The following NKAIN3 variants were observed in gnomAD, a reference collection of about 807,000 sequenced individuals.
NKAIN3 encodes sodium/potassium-transporting ATPase subunit beta-1-interacting protein 3.
A neutral mutation model predicts 30.2 loss-of-function variants in NKAIN3; 25 were observed. That is an observed-to-expected ratio of 0.83 (90% CI 0.60 to 1.16). NKAIN3 has a LOEUF of 1.16. Among genes scored for constraint, NKAIN3 ranks in the 50% most tolerant of loss-of-function variants. The pLI, the probability that NKAIN3 is intolerant of heterozygous loss-of-function variation, is 0.00. For synonymous variants in NKAIN3, 91 were observed against 89.6 expected, an observed-to-expected ratio of 1.02 and a Z score of -0.09; for missense variants, 225 against 254.1, an observed-to-expected ratio of 0.89 and a Z score of 0.78.
intron 1 of NKAIN3, among the ~76,000 whole-genome samples, chr8:62,295,569 T>G (rs919755474): frequency 2.6e-5 from 4 of 152,234 alleles, no homozygotes; most frequent in Non-Finnish European, 5.9e-5. Flanking sequence ...TTTTTGAGGC[T>G]TATTTATATA....
At position 62,746,968 on chromosome 8, in the gene NKAIN3, C is replaced by T. The variant is rs371183258; in HGVS notation, c.310C>T (p.Arg104Trp). Residue 104 changes from arginine (R) to tryptophan (W), a missense_variant, in exon 4 of 7, where the codon CGG becomes TGG. Arg to Trp is a moderately radical substitution (Grantham distance 101). Transcript: ENST00000623646. ...DLMTFNISVH[R>W]SWWREHGPGC... ...AATGACATTCAATATCTCTGTACATCGGTCATGGTGGAGAGAACATGGGCC... is the reference window on the plus strand; with the variant it reads ...AATGACATTCAATATCTCTGTACATTGGTCATGGTGGAGAGAACATGGGCC... The T allele has an allele frequency of 1.5e-5, 24 of 1,613,430 alleles. No homozygotes were observed. Among genetic ancestry groups the T allele is most frequent in the Non-Finnish European group, 1.9e-5 (23 of 1,179,540 alleles).
intron 3 of NKAIN3, among the ~76,000 whole-genome samples, chr8:62,702,853 A>T (rs1202785445): frequency 6.6e-6 from 1 of 152,224 alleles, no homozygotes; most frequent in African/African-American, 2.4e-5. Flanking sequence ...CCTAGATTAA[A>T]TTTAAGATTC....
chr8:62,961,891 A>G (rs1823580096), intron 6 of NKAIN3, among the ~76,000 whole-genome samples: 1 of 152,204 alleles, frequency 6.6e-6, no homozygotes, highest in South Asian at 2.1e-4. Context: ...AAATTACATT[A>G]TCGATGCTTA....
At chr8:62,375,347 T>G (rs1404623934) in intron 1 of NKAIN3, among the ~76,000 whole-genome samples, 1 of 152,190 alleles carries the variant, frequency 6.6e-6, no homozygotes, top group Admixed American at 6.5e-5. Flanking sequence ...AGGTTTTTCC[T>G]TTGAAAACAT....
intron 1 of NKAIN3, among the ~76,000 whole-genome samples, chr8:62,570,455 C>T (rs1196218566): frequency 6.6e-6 from 1 of 152,110 alleles, no homozygotes; most frequent in Non-Finnish European, 1.5e-5. Context: ...ATTGGACTTA[C>T]AGTTCCACGT....
At position 62,965,988 on chromosome 8, in the gene NKAIN3, T is replaced by C. The variant is rs1350344532; in HGVS notation, c.*581T>C. 1 of 984,930 alleles carries C rather than the reference T, an allele frequency of 1.0e-6. No individual in the cohort carries two copies. The highest frequency in any genetic ancestry group is 1.2e-6 in the Non-Finnish European group (1 of 829,512). 61.0% of individuals were successfully genotyped at this position (984,930 alleles called of 1,614,324 possible). A position where few individuals can be genotyped will look rare whatever the true frequency, so the allele number is the denominator to read the frequency against. ...CCTGACTTCTTAAAACCCAGAACGA[T>C]ATTATGGCAATCTAAATTTTCAGAT... On this transcript the variant is annotated 3_prime_UTR_variant, in exon 7 of 7. Coordinates refer to ENST00000623646, the MANE Select transcript of NKAIN3 (RefSeq NM_001304533.3).
At chr8:62,855,767 A>G (rs770321153) in intron 4 of NKAIN3, 56 of 1,160,434 alleles carry the variant, frequency 4.8e-5, no homozygotes, top group South Asian at 2.7e-4. Context: ...GACTTTCAGT[A>G]AAGGGCATCT....
chr8:62,556,442 A>G (rs1311405654), intron 1 of NKAIN3, among the ~76,000 whole-genome samples: 2 of 151,810 alleles, frequency 1.3e-5, no homozygotes, highest in South Asian at 2.1e-4. Flanking sequence ...TATTAATAAA[A>G]TTGAAACTAG....
At chr8:62,672,879 CATGTAAATGTCATACTTTACA>C (rs1813351847) in intron 3 of NKAIN3, among the ~76,000 whole-genome samples, 1 of 152,014 alleles carries the variant, frequency 6.6e-6, no homozygotes, top group African/African-American at 2.4e-5. Context: ...TCCTATATAC[CATGTAAATGTCATACTTTACA>C]GGTTTTTATA....
At chr8:62,489,166 G>C (rs577404566) in intron 1 of NKAIN3, among the ~76,000 whole-genome samples, 1 of 148,860 alleles carries the variant, frequency 6.7e-6, no homozygotes, top group Admixed American at 6.8e-5. Context: ...ACAGGTGCCC[G>C]CCACCACACC....
rs370231075 is a variant in NKAIN3 at position 62,992,018 on chromosome 8, CTTCT to C, written c.533-7210_533-7207del. 4.3e-4 allele frequency among the ~76,000 whole-genome samples: 64 copies of C among 148,178 alleles called. 1 individual carries two copies. The East Asian group carries it at 7.0e-3, about 16-fold the overall frequency. On this transcript the variant is annotated intron_variant, in intron 5 of 5. Transcript: ENST00000519049. ...CCCCACTTTCTTCTCTTTCCTTCTT[CTTCT>C]TTTTTTTTTTCTTTTAGACAGAGTC...
chr8:62,681,035 G>T (rs1188462187), intron 3 of NKAIN3, among the ~76,000 whole-genome samples: 1 of 152,082 alleles, frequency 6.6e-6, no homozygotes, highest in Non-Finnish European at 1.5e-5. Context: ...ATTTCAATAA[G>T]GGAGAACAGC....
intron 1 of NKAIN3, among the ~76,000 whole-genome samples, chr8:62,551,241 A>C (rs977408808): frequency 1.3e-5 from 2 of 152,196 alleles, no homozygotes; most frequent in Non-Finnish European, 2.9e-5. Flanking sequence ...GAAGAGGAAC[A>C]GCGGGAAGGA....
intron 1 of NKAIN3, among the ~76,000 whole-genome samples, chr8:62,284,910 A>C (rs1488028434): frequency 6.6e-6 from 1 of 152,126 alleles, no homozygotes; most frequent in Admixed American, 6.6e-5. Context: ...TCAGACATGC[A>C]CCTGTGAGTA....
chr8:62,574,690 A>G (rs115790047), intron 1 of NKAIN3, among the ~76,000 whole-genome samples: 36 of 152,092 alleles, frequency 2.4e-4, no homozygotes, highest in African/African-American at 8.4e-4. Flanking sequence ...CCTTTTCTCT[A>G]CACCCTTGCC....
intron 1 of NKAIN3, among the ~76,000 whole-genome samples, chr8:62,570,464 G>A (rs987995371): frequency 2.0e-5 from 3 of 152,236 alleles, no homozygotes; most frequent in East Asian, 1.9e-4. Context: ...ACAGTTCCAC[G>A]TGGTTGGGAG....
intron 1 of NKAIN3, among the ~76,000 whole-genome samples, chr8:62,447,332 G>C (rs1380245654): frequency 6.6e-6 from 1 of 152,010 alleles, no homozygotes; most frequent in African/African-American, 2.4e-5. Flanking sequence ...AGATTAGGAA[G>C]TGTATTAGTA....
intron 1 of NKAIN3, among the ~76,000 whole-genome samples, chr8:62,486,895 A>C (rs1216279500): frequency 6.6e-6 from 1 of 152,184 alleles, no homozygotes; most frequent in Non-Finnish European, 1.5e-5. Flanking sequence ...CAGTTTGGGA[A>C]GTGTTCTTGC....
intron 3 of NKAIN3, among the ~76,000 whole-genome samples, chr8:62,729,481 C>T (rs928747759): frequency 2.0e-5 from 3 of 152,142 alleles, no homozygotes; most frequent in African/African-American, 7.2e-5. Context: ...AAAAACTAAA[C>T]GTACTCTTAC....
Sources: allele counts gnomAD v4.1 joint callset (sites outside exome capture counted in the v4.1 genomes callset), GRCh38; gene constraint gnomAD v4.1.1; transcripts MANE v1.5; gene names NCBI Gene and HGNC (gene_info 2026-07-23, HGNC 2026-07-21).